The following SHISA9 variants were observed in gnomAD, a reference collection of about 807,000 sequenced individuals.
SHISA9 encodes protein shisa-9.
SHISA9 carries 13 observed loss-of-function variants against 38.0 expected under a neutral mutation model. The ratio of observed to expected loss-of-function variants is 0.34; its 90% CI spans 0.22 to 0.54. The LOEUF is 0.54. SHISA9 is among the 20% of genes least tolerant of loss of function. SHISA9 has a pLI of 0.91. For synonymous variants in SHISA9, 275 were observed against 242.0 expected (o/e 1.14, Z -1.27); for missense variants, 538 against 575.8 (o/e 0.93, Z 0.67).
chr16:13,170,610 G>T (rs2050677690), intron 2 of SHISA9, among the ~76,000 whole-genome samples: 1 of 152,154 alleles, frequency 6.6e-6, no homozygotes, highest in Non-Finnish European at 1.5e-5. Context: ...TAACTAACCT[G>T]CACATCCTGC....
chr16:13,192,867 T>TC (rs1216511227), intron 2 of SHISA9, among the ~76,000 whole-genome samples: 1 of 143,954 alleles, frequency 6.9e-6, no homozygotes, highest in Non-Finnish European at 1.5e-5. Flanking sequence ...AGAGCAAGAC[T>TC]CCATCTCAAA....
At chr16:13,492,132 C>T in the SHISA9 span, among the ~76,000 whole-genome samples, 1 of 152,086 alleles carries the variant, frequency 6.6e-6, no homozygotes. Context: ...TCAGGCAAGG[C>T]TCTCTGTTCC....
rs1455192845 is a variant in SHISA9 at position 13,028,089 on chromosome 16, C to G, written c.691+111274C>G. 2.0e-5 allele frequency among the ~76,000 whole-genome samples: 3 copies of G among 151,852 alleles called. No individual in the cohort carries two copies. The East Asian group carries it at 5.8e-4, about 29-fold the overall frequency. ...ATTGACTGCAAACAGGTATGTGAAACAACCTTCTCAGGTAATGAAAACCTT... is the reference window on the plus strand; with the variant it reads ...ATTGACTGCAAACAGGTATGTGAAAGAACCTTCTCAGGTAATGAAAACCTT... On this transcript the variant is annotated intron_variant, in intron 2 of 4. Coordinates refer to ENST00000558583, the MANE Select transcript of SHISA9 (RefSeq NM_001145204.3).
chr16:13,423,213 A>G, the SHISA9 span, among the ~76,000 whole-genome samples: 1 of 152,214 alleles, frequency 6.6e-6, no homozygotes, highest in African/African-American at 2.4e-5. Context: ...GCCTGAGAAG[A>G]GTGAAGGCTT....
chr16:13,275,196 G>T, the SHISA9 span, among the ~76,000 whole-genome samples: 7 of 152,090 alleles, frequency 4.6e-5, no homozygotes, highest in Admixed American at 1.3e-4. Flanking sequence ...CTTACATAAT[G>T]AGGTTATTTA....
chr16:13,429,844 A>G, the SHISA9 span, among the ~76,000 whole-genome samples: 696 of 152,384 alleles, frequency 4.6e-3, 2 homozygotes, highest in African/African-American at 0.015. Context: ...AGGATAAACA[A>G]TAGCGACAAT....
At chr16:13,242,603 T>A (rs1203543964), downstream of SHISA9, among the ~76,000 whole-genome samples, 1 of 152,238 alleles carries the variant, frequency 6.6e-6, no homozygotes, top group Non-Finnish European at 1.5e-5. Context: ...CCAGGAGACT[T>A]GGCTGGTGGT....
the SHISA9 span, among the ~76,000 whole-genome samples, chr16:13,543,249 TG>T: frequency 1.3e-5 from 2 of 152,156 alleles, no homozygotes. Context: ...TAATGTTAGA[TG>T]GTCATGATAT....
chr16:13,537,436 A>G, the SHISA9 span, among the ~76,000 whole-genome samples: 74 of 152,182 alleles, frequency 4.9e-4, no homozygotes, highest in African/African-American at 7.0e-4. Context: ...CTCAAAAAAA[A>G]AAAGAAAGAA....
At chr16:13,431,827 G>T in the SHISA9 span, among the ~76,000 whole-genome samples, 4 of 152,180 alleles carry the variant, frequency 2.6e-5, no homozygotes, top group Non-Finnish European at 5.9e-5. Flanking sequence ...TTGGGAGGCT[G>T]AGGCGGGCGG....
chr16:13,023,352 T>A (rs2072881091), intron 2 of SHISA9, among the ~76,000 whole-genome samples: 2 of 152,170 alleles, frequency 1.3e-5, no homozygotes, highest in African/African-American at 4.8e-5. Flanking sequence ...CATGAACTCA[T>A]CCTTTTTTAT....
At chr16:12,968,967 C>G (rs1420310258) in intron 2 of SHISA9, among the ~76,000 whole-genome samples, 1 of 151,678 alleles carries the variant, frequency 6.6e-6, no homozygotes, top group Non-Finnish European at 1.5e-5. Context: ...CCAGCCTGGC[C>G]AACATGGTGA....
Position 13,177,996 on chromosome 16 carries a change from C to T in SHISA9, c.692-25398C>T, listed in dbSNP as rs368472055. 2.0e-5 allele frequency among the ~76,000 whole-genome samples: 3 copies of T among 152,130 alleles called. No individual in the cohort carries two copies. The East Asian group carries it at 5.8e-4, about 29-fold the overall frequency. ...TTCATGTTTTGTAACTGAGGTTGTT[C>T]CAGTCCCTGGAATGATGCTTTGCAC... is the stretch of plus-strand genomic sequence containing the variant. On this transcript the variant is annotated intron_variant, in intron 2 of 4. Transcript: ENST00000558583.
chr16:13,200,928 G>T lies in SHISA9; in HGVS notation c.692-2466G>T, dbSNP rs746981604. The stretch of plus-strand genomic sequence containing the variant: ...TGGTTTCTAAAGCCACACATTTTCC[G>T]TATGCATCAGGGGTTGAGTTATCTA... On this transcript the variant is annotated intron_variant, in intron 2 of 4. Coordinates refer to ENST00000558583, the MANE Select transcript of SHISA9 (RefSeq NM_001145204.3). Among the ~76,000 whole-genome samples, 19 of 135,304 alleles carry T rather than the reference G, an allele frequency of 1.4e-4. 4 individuals carry two copies. Among genetic ancestry groups the T allele is most frequent in the African/African-American group, 5.2e-4 (18 of 34,472 alleles). The allele number at this position is 135,304 out of a possible 152,430, so 88.8% of individuals were successfully genotyped here.
the SHISA9 span, among the ~76,000 whole-genome samples, chr16:13,359,023 C>T: frequency 6.6e-6 from 1 of 152,128 alleles, no homozygotes; most frequent in Non-Finnish European, 1.5e-5. Context: ...CTCTGTATTC[C>T]TGAAGGTAAA....
chr16:13,283,664 G>A, the SHISA9 span, among the ~76,000 whole-genome samples: 3 of 151,878 alleles, frequency 2.0e-5, no homozygotes, highest in Non-Finnish European at 4.4e-5. Flanking sequence ...ACAACAGGTG[G>A]GAGTTATGGA....
At chr16:13,177,456 G>GA (rs199873053) in intron 2 of SHISA9, among the ~76,000 whole-genome samples, 2 of 151,974 alleles carry the variant, frequency 1.3e-5, no homozygotes, top group African/African-American at 4.8e-5. Context: ...ATGGGTGGGG[G>GA]AAAAAAACAT....
chr16:12,958,934 C>T (rs906749112), intron 2 of SHISA9, among the ~76,000 whole-genome samples: 4 of 152,116 alleles, frequency 2.6e-5, no homozygotes, highest in African/African-American at 7.2e-5. Flanking sequence ...GAGGGTTGGC[C>T]ATGATTTAGC....
the SHISA9 span, among the ~76,000 whole-genome samples, chr16:13,404,737 T>C: frequency 6.6e-6 from 1 of 152,224 alleles, no homozygotes; most frequent in Admixed American, 6.5e-5. Flanking sequence ...CAAACATCCA[T>C]TCTATCTCAA....
Sources: gnomAD v4.1 joint callset for allele counts (sites outside exome capture counted in the v4.1 genomes callset) on GRCh38, gnomAD v4.1.1 for gene constraint, MANE v1.5 for transcripts, NCBI Gene and HGNC (gene_info 2026-07-23, HGNC 2026-07-21) for gene names.